The following LARGE1 variants were observed in gnomAD, a reference collection of about 807,000 sequenced individuals.
The protein encoded by LARGE1 is xylosyl- and glucuronyltransferase LARGE1.
In LARGE1, 43 loss-of-function variants were observed where a neutral mutation model predicts 87.6. That is an observed-to-expected ratio of 0.49 (90% CI 0.38 to 0.63). The LOEUF (loss-of-function observed/expected upper bound fraction) is 0.63, where lower values mean the gene tolerates loss of function less well. Ranked by LOEUF, LARGE1 falls within the 30% of genes least tolerant of loss-of-function variation. The pLI is 0.00. For missense variants in LARGE1, 802 were observed against 1,000.2 expected (o/e 0.80, Z 2.67); for synonymous variants, 434 against 394.6 (o/e 1.10, Z -1.18).
Position 33,226,833 on chromosome 22 carries a change from C to T in LARGE1, c.1731-60001G>A, listed in dbSNP as rs185568367. Reference sequence around the variant, plus strand: ...CAAGCTCCACCTCCCAGGTTCACGCCATTCTCCTGCCTCAGCCTCCCGAGT... The same window carrying T: ...CAAGCTCCACCTCCCAGGTTCACGCTATTCTCCTGCCTCAGCCTCCCGAGT... On this transcript the variant is annotated intron_variant, in intron 11 of 11. Coordinates refer to the LARGE1 transcript ENST00000608642. Among the ~76,000 whole-genome samples the T allele has an allele frequency of 1.1e-4, 16 of 152,044 alleles. No individual in the cohort carries two copies. In the East Asian group the frequency reaches 3.1e-3, roughly 29 times the overall value.
At chr22:33,100,730 T>C in the LARGE1 span, among the ~76,000 whole-genome samples, 1 of 152,220 alleles carries the variant, frequency 6.6e-6, no homozygotes, top group Admixed American at 6.5e-5. Context: ...GGTGATCCGA[T>C]GCTGCTGGTT....
At chr22:33,821,261 G>A (rs62227782) in intron 1 of LARGE1, among the ~76,000 whole-genome samples, 29 of 152,042 alleles carry the variant, frequency 1.9e-4, no homozygotes, top group African/African-American at 7.0e-4. Context: ...TCCAAGTCTC[G>A]ATGTCTTCAT....
At chr22:33,865,563 A>G (rs2064068061) in intron 1 of LARGE1, among the ~76,000 whole-genome samples, 1 of 152,162 alleles carries the variant, frequency 6.6e-6, no homozygotes, top group South Asian at 2.1e-4. Flanking sequence ...AAATATTATG[A>G]ACAATGAGAT....
At chr22:33,398,495 G>C (rs946818831) in intron 7 of LARGE1, among the ~76,000 whole-genome samples, 1 of 152,192 alleles carries the variant, frequency 6.6e-6, no homozygotes, top group Non-Finnish European at 1.5e-5. Context: ...TGCCGAACTA[G>C]AGTGATAATT....
At chr22:33,859,674 C>G (rs1245818290) in intron 1 of LARGE1, among the ~76,000 whole-genome samples, 1 of 152,050 alleles carries the variant, frequency 6.6e-6, no homozygotes, top group African/African-American at 2.4e-5. Context: ...GAATGATTAA[C>G]GAAATCAACA....
At chr22:33,125,993 C>G in the LARGE1 span, among the ~76,000 whole-genome samples, 1 of 152,108 alleles carries the variant, frequency 6.6e-6, no homozygotes, top group Non-Finnish European at 1.5e-5. Context: ...GACAATCCAC[C>G]CGACTCAGCC....
At chr22:33,537,732 A>G (rs2077082351) in intron 6 of LARGE1, among the ~76,000 whole-genome samples, 1 of 151,910 alleles carries the variant, frequency 6.6e-6, no homozygotes. Context: ...ATGCCCAGCA[A>G]AATTTTTTTT....
chr22:33,525,882 C>T (rs1365667190), intron 6 of LARGE1, among the ~76,000 whole-genome samples: 1 of 152,126 alleles, frequency 6.6e-6, no homozygotes, highest in Admixed American at 6.5e-5. Flanking sequence ...GGCAATTCCT[C>T]GAAATGTTAA....
chr22:33,360,004 G>C (rs2064326258), intron 9 of LARGE1, among the ~76,000 whole-genome samples: 1 of 149,490 alleles, frequency 6.7e-6, no homozygotes. Flanking sequence ...AAGGTTGCCA[G>C]TTAGAGTTCT....
chr22:33,265,469 AG>A (rs140361283), intron 11 of LARGE1, among the ~76,000 whole-genome samples: 1,678 of 152,242 alleles, frequency 0.011, 41 homozygotes, highest in African/African-American at 0.038. Flanking sequence ...CCGTTTTAAC[AG>A]GTGTTAGAAT....
At chr22:33,816,753 C>T (rs967961938) in intron 1 of LARGE1, among the ~76,000 whole-genome samples, 1 of 151,704 alleles carries the variant, frequency 6.6e-6, no homozygotes, top group Admixed American at 6.6e-5. Flanking sequence ...AAGACAGATA[C>T]AGACAGACAA....
At position 33,676,352 on chromosome 22, in the gene LARGE1, A is replaced by C. The variant is rs572171421; in HGVS notation, c.107-25684T>G. Among the ~76,000 whole-genome samples the C allele has an allele frequency of 3.9e-3, 521 of 133,194 alleles. 4 individuals carry two copies. Among genetic ancestry groups the C allele is most frequent in the African/African-American group, 0.014 (507 of 36,272 alleles). The allele number at this position is 133,194 out of a possible 152,430, so 87.4% of individuals were successfully genotyped here. A position where few individuals can be genotyped will look rare whatever the true frequency, so the allele number is the denominator to read the frequency against. ...GTCCAGCAGGTTAAACCTACACATC[A>C]TATGTTACAGATTCAATGGCAAAAA... is the stretch of plus-strand genomic sequence containing the variant. On this transcript the variant is annotated intron_variant, in intron 2 of 14. Transcript: ENST00000397394.
chr22:33,809,202 G>A (rs1177383380), intron 1 of LARGE1, among the ~76,000 whole-genome samples: 2 of 151,622 alleles, frequency 1.3e-5, no homozygotes, highest in African/African-American at 4.8e-5. Flanking sequence ...AACCCAGGAG[G>A]CAGAGGCTGC....
At chr22:33,203,544 A>G (rs923710369) in intron 11 of LARGE1, among the ~76,000 whole-genome samples, 1 of 152,142 alleles carries the variant, frequency 6.6e-6, no homozygotes, top group Non-Finnish European at 1.5e-5. Context: ...AGGCTTCCAC[A>G]GCTGTCAGTG....
At chr22:33,221,181 G>A (rs1181582686) in intron 11 of LARGE1, among the ~76,000 whole-genome samples, 1 of 152,056 alleles carries the variant, frequency 6.6e-6, no homozygotes, top group Non-Finnish European at 1.5e-5. Context: ...GAGAGAGAGA[G>A]AGAGAGGGAA....
chr22:33,469,943 G>A (rs2068763767), intron 6 of LARGE1, among the ~76,000 whole-genome samples: 2 of 141,960 alleles, frequency 1.4e-5, no homozygotes, highest in East Asian at 4.3e-4. Context: ...AGGCTGGAGT[G>A]CAGTGGTGCG....
At chr22:33,665,142 T>A (rs1280366053) in intron 2 of LARGE1, among the ~76,000 whole-genome samples, 1 of 152,218 alleles carries the variant, frequency 6.6e-6, no homozygotes, top group Non-Finnish European at 1.5e-5. Context: ...CAGAGCAGCA[T>A]CTGTAAGCCA....
At chr22:33,534,075 G>A (rs1331602378) in intron 6 of LARGE1, among the ~76,000 whole-genome samples, 2 of 152,072 alleles carry the variant, frequency 1.3e-5, no homozygotes, top group Non-Finnish European at 2.9e-5. Context: ...CTTTGAGTGT[G>A]TGGGTGGGCT....
At chr22:33,587,692 T>C (rs1376156614) in intron 5 of LARGE1, among the ~76,000 whole-genome samples, 1 of 151,944 alleles carries the variant, frequency 6.6e-6, no homozygotes, top group East Asian at 1.9e-4. Flanking sequence ...CCCTTGATTT[T>C]TTCCATTGCA....
Sources: gnomAD v4.1 joint callset for allele counts (sites outside exome capture counted in the v4.1 genomes callset) on GRCh38, gnomAD v4.1.1 for gene constraint, MANE v1.5 for transcripts, NCBI Gene and HGNC (gene_info 2026-07-23, HGNC 2026-07-21) for gene names.